NCOR2: variants seen among roughly 807,000 people sequenced by gnomAD.
NCOR2 encodes CTG repeat protein 26.
A neutral mutation model predicts 262.9 loss-of-function variants in NCOR2; 81 were observed. The observed-to-expected ratio is 0.31, with a 90% CI of 0.26 to 0.37. NCOR2 has a LOEUF of 0.37. Ranked by LOEUF, NCOR2 falls within the 10% of genes least tolerant of loss-of-function variation. The probability of loss-of-function intolerance (pLI) is 1.00; values close to 1 mark genes in which losing one functional copy is unlikely to be tolerated. For missense variants in NCOR2, 3,385 were observed against 3,621.4 expected (o/e 0.93, Z 1.68); for synonymous variants, 1,659 against 1,559.3 (o/e 1.06, Z -1.51).
intron 1 of NCOR2, among the ~76,000 whole-genome samples, chr12:124,563,236 T>A (rs2052127468): frequency 6.6e-6 from 1 of 152,166 alleles, no homozygotes; most frequent in African/African-American, 2.4e-5. Context: ...GGATGGCAGA[T>A]GAAACACTCC....
chr12:124,327,071 C>T (rs1462135228), intron 45 of NCOR2, among the ~76,000 whole-genome samples: 1 of 152,184 alleles, frequency 6.6e-6, no homozygotes, highest in Non-Finnish European at 1.5e-5. Flanking sequence ...AGCCTGCTCT[C>T]CCCCAAGGAG....
chr12:124,538,907 C>G (rs1207829927), upstream of NCOR2: 1 of 152,264 alleles, frequency 6.6e-6, no homozygotes, highest in African/African-American at 2.4e-5. Flanking sequence ...ATCCCGTGTC[C>G]CTGGCCAGGA....
At chr12:124,430,650 G>T in exon 9 of NCOR2, 1 of 1,613,966 alleles carries the variant, frequency 6.2e-7, no homozygotes, top group African/African-American at 1.3e-5. Flanking sequence ...GCTGCTTGCG[G>T]ATCTCAGGGA....
chr12:124,516,582 C>T (rs2049805204), intron 1 of NCOR2, among the ~76,000 whole-genome samples: 1 of 152,170 alleles, frequency 6.6e-6, no homozygotes, highest in Non-Finnish European at 1.5e-5. Flanking sequence ...ACTGTGCGGG[C>T]CCCTTCAGGC....
chr12:124,356,678 C>A, exon 23 of NCOR2: 2 of 1,469,248 alleles, frequency 1.4e-6, no homozygotes, highest in Non-Finnish European at 9.0e-7. Context: ...GGGTCCGGGG[C>A]ATGCGGGGAG....
At chr12:124,484,961 C>T (rs1276312378) in intron 2 of NCOR2, among the ~76,000 whole-genome samples, 3 of 152,202 alleles carry the variant, frequency 2.0e-5, no homozygotes, top group Non-Finnish European at 2.9e-5. Context: ...CTGGCCCCCC[C>T]GGGGAGCGGG....
intron 30 of NCOR2, 75 bp downstream of exon 32, chr12:124,347,750 G>A: frequency 6.9e-7 from 1 of 1,442,670 alleles, no homozygotes; most frequent in Non-Finnish European, 9.5e-7. Flanking sequence ...CACTCTGGCT[G>A]TGTCTCTCCC....
chr12:124,373,073 T>C (rs1036373073), intron 19 of NCOR2, among the ~76,000 whole-genome samples: 22 of 152,228 alleles, frequency 1.4e-4, no homozygotes, highest in African/African-American at 4.8e-4. Flanking sequence ...GGGAGAACAA[T>C]AGTTCCCATC....
chr12:124,369,189 T>C (rs1049215895), intron 20 of NCOR2, among the ~76,000 whole-genome samples: 2 of 152,154 alleles, frequency 1.3e-5, no homozygotes, highest in Non-Finnish European at 1.5e-5. Flanking sequence ...CCAGGCACCT[T>C]CTCTGAAGAG....
At chr12:124,479,257 CACAA>C (rs1040038519) in intron 3 of NCOR2, among the ~76,000 whole-genome samples, 10 of 152,080 alleles carry the variant, frequency 6.6e-5, no homozygotes, top group Non-Finnish European at 8.8e-5. Flanking sequence ...CACACGCACA[CACAA>C]ACACACGCAC....
At chr12:124,460,303 C>T (rs911295783) in intron 5 of NCOR2, among the ~76,000 whole-genome samples, 2 of 152,236 alleles carry the variant, frequency 1.3e-5, no homozygotes, top group African/African-American at 4.8e-5. Flanking sequence ...CTCCCTCGCT[C>T]AGGCGGTCTC....
At chr12:124,510,472 G>A (rs562743445) in intron 1 of NCOR2, among the ~76,000 whole-genome samples, 10 of 152,332 alleles carry the variant, frequency 6.6e-5, no homozygotes, top group Non-Finnish European at 8.8e-5. Context: ...GCCCCCGTGA[G>A]GGATTCTGTT....
In NCOR2 at chr12:124,503,740, A is replaced by AT. The variant is rs1338190202; in HGVS notation, c.-117-8373dup. 6.7e-6 allele frequency among the ~76,000 whole-genome samples: 1 copy of AT among 148,432 alleles called. No individual in the cohort carries two copies. The highest frequency in any genetic ancestry group is 1.5e-5 in the Non-Finnish European group (1 of 66,466). On this transcript the variant is annotated intron_variant, in intron 1 of 46. Coordinates refer to the NCOR2 transcript ENST00000404621. This position sits in a 1 kb window ranked among gnomAD's most constrained non-coding sequence, Gnocchi z 4.3. Reference sequence around the variant, plus strand: ...GACGAATGGATGGATGGATGGACGGATGGATGCATGGATGCATGGATGGAT... The same window carrying AT: ...GACGAATGGATGGATGGATGGACGGATTGGATGCATGGATGCATGGATGGAT...
Position 124,344,727 on chromosome 12 carries a change from G to C in NCOR2, c.4584C>G (p.Val1528=), listed in dbSNP as rs771982847. Residue 1528 remains valine, a synonymous_variant, in exon 32 of 47, where the codon GTC becomes GTG. Coordinates refer to ENST00000405201, the Ensembl canonical transcript of NCOR2. ...GCGGCTTACCCAGCTCAGGCACAAT[G>C]ACCGGGGCGCCGCGCGCAATGGAGC... 11 of 1,542,900 alleles carry C rather than the reference G, an allele frequency of 7.1e-6. No homozygotes were observed. In the African/African-American group the frequency reaches 1.4e-4, roughly 19 times the overall value.
intron 28 of NCOR2, chr12:124,348,570 T>G (rs2037141526): frequency 1.9e-6 from 1 of 516,700 alleles, no homozygotes; most frequent in Non-Finnish European, 3.4e-6. Flanking sequence ...CCCTGTACCC[T>G]AGCCCTCCAG....
At chr12:124,356,609 T>C in intron 23 of NCOR2, 33 bp downstream of exon 25, 1 of 1,417,020 alleles carries the variant, frequency 7.1e-7, no homozygotes, top group Non-Finnish European at 9.2e-7. Context: ...GTGCACTGGC[T>C]GAAGAAGCCC....
At chr12:124,479,480 GAC>G (rs937517640) in intron 3 of NCOR2, among the ~76,000 whole-genome samples, 13 of 145,840 alleles carry the variant, frequency 8.9e-5, no homozygotes, top group African/African-American at 2.5e-4. Flanking sequence ...AACACGCAGG[GAC>G]ACACACAGGC....
exon 39 of NCOR2, chr12:124,335,613 G>A (rs2035805408): frequency 1.2e-6 from 2 of 1,604,182 alleles, no homozygotes; most frequent in Non-Finnish European, 8.5e-7. Context: ...CTTCGGGGCT[G>A]TAGCTGCTGC....
intron 12 of NCOR2, among the ~76,000 whole-genome samples, chr12:124,420,984 A>G (rs755052335): frequency 1.3e-5 from 2 of 152,246 alleles, no homozygotes; most frequent in Non-Finnish European, 2.9e-5. Flanking sequence ...ATGGCAATCG[A>G]GAAAGACGTT....
Sources: allele counts gnomAD v4.1 joint callset (sites outside exome capture counted in the v4.1 genomes callset), GRCh38; gene constraint gnomAD v4.1.1; non-coding constraint Gnocchi (gnomAD v3.1); transcripts MANE v1.5; gene names NCBI Gene and HGNC (gene_info 2026-07-23, HGNC 2026-07-21).